Variants in PRKN observed in about 807,000 individuals in gnomAD.
The protein encoded by PRKN is parkin RBR E3 ubiquitin protein ligase.
In PRKN, 56 loss-of-function variants were observed where a neutral mutation model predicts 59.5. That is an observed-to-expected ratio of 0.94 (90% CI 0.76 to 1.18). PRKN has a LOEUF of 1.18. Among genes scored for constraint, PRKN ranks in the 50% most tolerant of loss-of-function variants. The probability of loss-of-function intolerance (pLI) is 0.00; values close to 1 mark genes in which losing one functional copy is unlikely to be tolerated. For missense variants in PRKN, 657 were observed against 596.4 expected, an observed-to-expected ratio of 1.10 and a Z score of -1.06; for synonymous variants, 250 against 222.1, an observed-to-expected ratio of 1.13 and a Z score of -1.12.
At chr6:161,768,698 A>AC (rs1789534380) in intron 7 of PRKN, among the ~76,000 whole-genome samples, 1 of 152,142 alleles carries the variant, frequency 6.6e-6, no homozygotes, top group South Asian at 2.1e-4. Flanking sequence ...GAATACCGTG[A>AC]CCCCAATTTC....
intron 1 of PRKN, among the ~76,000 whole-genome samples, chr6:162,541,896 C>T (rs1242595467): frequency 5.9e-5 from 9 of 151,972 alleles, no homozygotes; most frequent in African/African-American, 2.4e-5. Context: ...TGGCTTGTAA[C>T]TGACAAATGG....
chr6:162,335,297 C>T (rs1168903641), intron 2 of PRKN, among the ~76,000 whole-genome samples: 1 of 152,042 alleles, frequency 6.6e-6, no homozygotes, highest in Non-Finnish European at 1.5e-5. Context: ...CTGCCTCGGC[C>T]TCCCAAAGTG....
chr6:161,664,201 G>A (rs9347530), intron 7 of PRKN, among the ~76,000 whole-genome samples: 65,020 of 152,006 alleles, frequency 0.43, 15,528 homozygotes, highest in Non-Finnish European at 0.54. Flanking sequence ...TGAGGAGTCC[G>A]CCAGAAATGC....
chr6:162,136,532 C>T (rs1415231242), intron 4 of PRKN, among the ~76,000 whole-genome samples: 1 of 152,064 alleles, frequency 6.6e-6, no homozygotes, highest in African/African-American at 2.4e-5. Context: ...TAGAATTTAC[C>T]AGGTATGTAA....
Position 161,347,656 on chromosome 6 carries a change from T to G in PRKN, c.*2443A>C. 1 of 148,918 alleles carries G rather than the reference T, an allele frequency of 6.7e-6. No individual in the cohort carries two copies. The highest frequency in any genetic ancestry group is 1.5e-5 in the Non-Finnish European group (1 of 67,470). The allele number at this position is 148,918 out of a possible 1,614,324, so 9.2% of individuals were successfully genotyped here. On this transcript the variant is annotated 3_prime_UTR_variant, in exon 12 of 12. Transcript: ENST00000366898. ...TTTTTGAGACAGAGTCTCACTCTGT[T>G]GCCCAGGCTGGAGTTCAGTGGCGTG... is the stretch of plus-strand genomic sequence containing the variant.
intron 7 of PRKN, among the ~76,000 whole-genome samples, chr6:161,721,198 T>C (rs955800397): frequency 3.3e-5 from 5 of 152,248 alleles, no homozygotes; most frequent in Non-Finnish European, 7.3e-5. Flanking sequence ...GATCCAACTG[T>C]GTATGTATAA....
At chr6:162,171,780 A>G (rs1229313324) in intron 4 of PRKN, among the ~76,000 whole-genome samples, 1 of 152,076 alleles carries the variant, frequency 6.6e-6, no homozygotes, top group Non-Finnish European at 1.5e-5. Flanking sequence ...GCTACATTAC[A>G]TGGTGCATTT....
At chr6:161,844,512 C>T (rs148943794) in intron 6 of PRKN, among the ~76,000 whole-genome samples, 3 of 152,374 alleles carry the variant, frequency 2.0e-5, no homozygotes, top group East Asian at 3.9e-4. Context: ...TCTGTATCTA[C>T]TCTGTCCATA....
At chr6:162,721,025 A>C (rs545805252) in intron 1 of PRKN, among the ~76,000 whole-genome samples, 1 of 152,246 alleles carries the variant, frequency 6.6e-6, no homozygotes, top group Admixed American at 6.5e-5. Flanking sequence ...AAAAATAAGA[A>C]CTTTTTAAAA....
chr6:161,896,266 T>A (rs528216412), intron 6 of PRKN, among the ~76,000 whole-genome samples: 59 of 152,332 alleles, frequency 3.9e-4, no homozygotes, highest in African/African-American at 1.2e-3. Context: ...ACTACTCTGC[T>A]GAATAGAAGA....
At chr6:161,864,555 A>G (rs921869741) in intron 6 of PRKN, among the ~76,000 whole-genome samples, 12 of 152,206 alleles carry the variant, frequency 7.9e-5, no homozygotes, top group African/African-American at 2.9e-4. Flanking sequence ...GTTAATGTTG[A>G]TATTTTGTCT....
intron 6 of PRKN, among the ~76,000 whole-genome samples, chr6:161,925,091 A>C (rs1336156486): frequency 6.6e-6 from 1 of 152,168 alleles, no homozygotes; most frequent in Non-Finnish European, 1.5e-5. Flanking sequence ...TGAATGACTA[A>C]AGTGAAAATG....
At chr6:162,120,955 G>A (rs1780887790) in intron 4 of PRKN, among the ~76,000 whole-genome samples, 1 of 152,212 alleles carries the variant, frequency 6.6e-6, no homozygotes. Flanking sequence ...GATTGCAATT[G>A]CAGCTGCTCT....
rs1254951211 is a variant in PRKN at position 162,419,942 on chromosome 6, C to A, written c.171+23368G>T. ...TTTAGAAAATTACAGTGGAAAGCAGCAGCCCCCAACCTTTTTGGCATCAGG... is the reference window on the plus strand; with the variant it reads ...TTTAGAAAATTACAGTGGAAAGCAGAAGCCCCCAACCTTTTTGGCATCAGG... On this transcript the variant is annotated intron_variant, in intron 2 of 11. Transcript: ENST00000366898. 2.0e-5 allele frequency among the ~76,000 whole-genome samples: 3 copies of A among 152,144 alleles called. No homozygotes were observed. In the East Asian group the frequency reaches 5.8e-4, roughly 29 times the overall value.
At chr6:161,666,565 T>C (rs966519261) in intron 7 of PRKN, among the ~76,000 whole-genome samples, 5 of 152,148 alleles carry the variant, frequency 3.3e-5, no homozygotes, top group African/African-American at 7.2e-5. Context: ...CCACTACTTA[T>C]TGATTTTAAG....
intron 2 of PRKN, among the ~76,000 whole-genome samples, chr6:162,292,965 G>C (rs1197575068): frequency 1.3e-4 from 20 of 152,160 alleles, no homozygotes; most frequent in Admixed American, 1.3e-3. Context: ...GGGACCCAAG[G>C]GGTGCAGTAA....
At chr6:162,656,998 A>T (rs1425138773) in intron 1 of PRKN, among the ~76,000 whole-genome samples, 1 of 152,154 alleles carries the variant, frequency 6.6e-6, no homozygotes, top group Non-Finnish European at 1.5e-5. Flanking sequence ...TACTTTACAG[A>T]TGCCTGTCGT....
At chr6:161,834,894 C>T (rs1792680497) in intron 6 of PRKN, among the ~76,000 whole-genome samples, 1 of 152,156 alleles carries the variant, frequency 6.6e-6, no homozygotes, top group South Asian at 2.1e-4. Flanking sequence ...TGGGATGAGC[C>T]ACCCCACCTA....
intron 4 of PRKN, among the ~76,000 whole-genome samples, chr6:162,146,036 C>A (rs1046147135): frequency 6.6e-6 from 1 of 152,110 alleles, no homozygotes; most frequent in Non-Finnish European, 1.5e-5. Context: ...AAGGGAGTAG[C>A]CTATGGTCCT....
Sources: gnomAD v4.1 joint callset for allele counts (sites outside exome capture counted in the v4.1 genomes callset) on GRCh38, gnomAD v4.1.1 for gene constraint, MANE v1.5 for transcripts, NCBI Gene and HGNC (gene_info 2026-07-23, HGNC 2026-07-21) for gene names.